MYO5A: variants seen among roughly 807,000 people sequenced by gnomAD.
MYO5A encodes the protein myosin VA.
A neutral mutation model predicts 249.7 loss-of-function variants in MYO5A; 98 were observed. The ratio of observed to expected loss-of-function variants is 0.39; its 90% confidence interval spans 0.33 to 0.46. MYO5A has a LOEUF of 0.46. MYO5A is among the 20% of genes least tolerant of loss of function. The pLI is 0.98. For missense variants in MYO5A, 1,696 were observed against 2,308.8 expected, an observed-to-expected ratio of 0.73 and a Z score of 5.44; for synonymous variants, 778 against 810.6, an observed-to-expected ratio of 0.96 and a Z score of 0.68.
At chr15:52,387,573 A>C (rs891955564) in intron 14 of MYO5A, among the ~76,000 whole-genome samples, 2 of 152,232 alleles carry the variant, frequency 1.3e-5, no homozygotes, top group Non-Finnish European at 2.9e-5. Context: ...ATTTGGCTTG[A>C]AAACTCGGTA....
rs1239997403 is a variant in MYO5A, at chr15:52,387,247, A to T, written c.1752+582T>A. ...CATCGTAGCTCTTACCATCTGGAAT[A>T]TTCTTTTCCCTCTAGAAAGCAGTGT... On this transcript the variant is annotated intron_variant, in intron 14 of 41. Coordinates refer to ENST00000399233, the MANE Select transcript of MYO5A (RefSeq NM_001382347.1). 7.2e-5 allele frequency among the ~76,000 whole-genome samples: 11 copies of T among 152,218 alleles called. 1 individual carries two copies. Among genetic ancestry groups the T allele is most frequent in the Admixed American group, 7.2e-4 (11 of 15,288 alleles).
intron 11 of MYO5A, among the ~76,000 whole-genome samples, chr15:52,396,073 T>G (rs552993008): frequency 6.6e-6 from 1 of 152,350 alleles, no homozygotes; most frequent in African/African-American, 2.4e-5. Context: ...CACTGCCTGC[T>G]TCTCTCAATC....
intron 34 of MYO5A, among the ~76,000 whole-genome samples, chr15:52,335,030 A>G (rs1289036922): frequency 2.6e-5 from 4 of 152,186 alleles, no homozygotes; most frequent in African/African-American, 9.7e-5. Context: ...AGGAATGAAA[A>G]CCACACTTGG....
At chr15:52,346,553 GT>G in intron 29 of MYO5A, 92 bp from the exon 30 acceptor site, 1 of 799,316 alleles carries the variant, frequency 1.3e-6, no homozygotes. Flanking sequence ...GGGGGCAGTG[GT>G]TATGTGCTCC....
intron 18 of MYO5A, among the ~76,000 whole-genome samples, chr15:52,376,956 A>G (rs2041447865): frequency 6.6e-6 from 1 of 152,372 alleles, no homozygotes; most frequent in Admixed American, 6.5e-5. Context: ...CTGAAGGGAC[A>G]AAAACACCAG....
At chr15:52,433,347 A>G in intron 1 of MYO5A, 62 bp from the exon 2 acceptor site, 1 of 872,898 alleles carries the variant, frequency 1.1e-6, no homozygotes, top group Non-Finnish European at 1.9e-6. Flanking sequence ...TCATATATAA[A>G]CATATGATAA....
chr15:52,334,028 T>A (rs1296524831), intron 34 of MYO5A, among the ~76,000 whole-genome samples: 2 of 152,234 alleles, frequency 1.3e-5, no homozygotes. Flanking sequence ...TTAAGAACTA[T>A]TATAATGCCT....
chr15:52,454,532 C>T (rs1390320165), intron 1 of MYO5A, among the ~76,000 whole-genome samples: 1 of 152,176 alleles, frequency 6.6e-6, no homozygotes, highest in Middle Eastern at 3.4e-3. Flanking sequence ...GAACATTTCA[C>T]CCATTTGCAG....
chr15:52,325,103 A>G (rs966800884), intron 36 of MYO5A, among the ~76,000 whole-genome samples: 2 of 152,242 alleles, frequency 1.3e-5, no homozygotes, highest in African/African-American at 4.8e-5. Flanking sequence ...AATCTGGATT[A>G]CAACTGTTCC....
At chr15:52,339,674 C>T (rs2242056) in intron 32 of MYO5A, among the ~76,000 whole-genome samples, 43,037 of 152,082 alleles carry the variant, frequency 0.28, 6,096 homozygotes, top group South Asian at 0.36. Context: ...TGAATCCTAA[C>T]ACACACCTCC....
chr15:52,433,409 T>G, intron 1 of MYO5A, 124 bp from the exon 2 acceptor site: 46 of 423,220 alleles, frequency 1.1e-4, no homozygotes, highest in East Asian at 3.5e-4. Context: ...CAACATGAAA[T>G]TCACTTTTTT....
chr15:52,351,090 C>A (rs1490004437), intron 28 of MYO5A, among the ~76,000 whole-genome samples, 164 bp downstream of exon 28: 1 of 152,114 alleles, frequency 6.6e-6, no homozygotes, highest in Middle Eastern at 3.2e-3. Context: ...TTTATACTTA[C>A]AATAGTTTTA....
Position 52,425,897 on chromosome 15 carries a change from G to T in MYO5A, c.388C>A (p.Gln130Lys). 1 of 1,613,784 alleles carries T rather than the reference G, an allele frequency of 6.2e-7. No individual in the cohort carries two copies. Among genetic ancestry groups the T allele is most frequent in the South Asian group, 1.1e-5 (1 of 91,066 alleles). The change falls in exon 4 of 42, where the codon CAG becomes AAG. Residue 130 changes from glutamine (Q) to lysine (K), a missense_variant. Coordinates refer to ENST00000399233, the MANE Select transcript of MYO5A (RefSeq NM_001382347.1). ...GEDIINAYSG[Q>K]NMGDMDPHIF... ...TGTGGATCCATATCACCCATGTTCT[G>T]ACCACTGTATGCATTAATAATATCT...
chr15:52,377,823 G>A (rs574459816), intron 18 of MYO5A, among the ~76,000 whole-genome samples: 3 of 152,140 alleles, frequency 2.0e-5, no homozygotes, highest in Non-Finnish European at 1.5e-5. Context: ...CGCCCGCCAC[G>A]GCCTCCAAAA....
intron 1 of MYO5A, among the ~76,000 whole-genome samples, chr15:52,497,527 C>A (rs951360493): frequency 6.6e-6 from 1 of 150,602 alleles, no homozygotes; most frequent in South Asian, 2.1e-4. Flanking sequence ...AAGGCTGAGG[C>A]GGGCGGATTG....
chr15:52,381,761 GTGTC>G (rs1299939121), intron 16 of MYO5A, among the ~76,000 whole-genome samples: 4 of 143,682 alleles, frequency 2.8e-5, no homozygotes, highest in African/African-American at 1.0e-4. Context: ...CCCTCCTTTT[GTGTC>G]TCTCTCTCTC....
chr15:52,485,048 T>A (rs16964993), intron 1 of MYO5A, among the ~76,000 whole-genome samples: 1 of 152,084 alleles, frequency 6.6e-6, no homozygotes, highest in South Asian at 2.1e-4. Flanking sequence ...AAGTAAACTG[T>A]CTGTTCTTTT....
At chr15:52,364,856 A>G (rs2040734780) in intron 23 of MYO5A, among the ~76,000 whole-genome samples, 154 bp from the exon 24 acceptor site, 1 of 152,232 alleles carries the variant, frequency 6.6e-6, no homozygotes, top group Non-Finnish European at 1.5e-5. Context: ...TTAGGAAAAG[A>G]AAAAATGACC....
intron 32 of MYO5A, among the ~76,000 whole-genome samples, chr15:52,338,939 C>T (rs1367918349): frequency 1.3e-5 from 2 of 152,098 alleles, no homozygotes; most frequent in South Asian, 2.1e-4. Context: ...TTTGGTAATA[C>T]TTAGTCATCA....
Sources: allele counts gnomAD v4.1 joint callset (sites outside exome capture counted in the v4.1 genomes callset), GRCh38; gene constraint gnomAD v4.1.1; transcripts MANE v1.5; gene names NCBI Gene and HGNC (gene_info 2026-07-23, HGNC 2026-07-21).